TOP3A: variants seen among roughly 807,000 people sequenced by gnomAD.
TOP3A encodes DNA topoisomerase III alpha.
A neutral mutation model predicts 111.3 loss-of-function variants in TOP3A; 64 were observed. The observed-to-expected ratio is 0.57, with a 90% CI of 0.47 to 0.71. The LOEUF (loss-of-function observed/expected upper bound fraction) is 0.71, where lower values mean the gene tolerates loss of function less well. TOP3A is among the 30% of genes least tolerant of loss of function. TOP3A has a pLI of 0.00. For synonymous variants in TOP3A, 484 were observed against 485.1 expected (o/e 1.00, Z 0.03); for missense variants, 1,104 against 1,285.0 (o/e 0.86, Z 2.15).
At chr17:18,291,148 T>C in intron 11 of TOP3A, 121 bp from the exon 12 acceptor site, 1 of 994,166 alleles carries the variant, frequency 1.0e-6, no homozygotes, top group South Asian at 1.7e-5. Context: ...CCTCAGGCCC[T>C]GCACTAACAT....
chr17:18,307,055 T>A, intron 3 of TOP3A, 89 bp from the exon 4 acceptor site: 1 of 888,434 alleles, frequency 1.1e-6, no homozygotes, highest in South Asian at 1.5e-5. Flanking sequence ...AATGGGTTCA[T>A]GGTGTATCCC....
Position 18,309,470 on chromosome 17 carries a change from C to T in TOP3A, c.181-529G>A, listed in dbSNP as rs541639110. 4.6e-5 allele frequency among the ~76,000 whole-genome samples: 7 copies of T among 151,996 alleles called. No homozygotes were observed. The East Asian group carries it at 1.4e-3, about 30-fold the overall frequency. ...CCAGCCTGGCCAACATGGTGAAACC[C>T]CATCTCTACTAAAAATACAACAATT... is the stretch of plus-strand genomic sequence containing the variant. On this transcript the variant is annotated intron_variant, in intron 1 of 18. Coordinates refer to ENST00000321105, the MANE Select transcript of TOP3A (RefSeq NM_004618.5).
At chr17:18,280,285 G>A in intron 17 of TOP3A, 2 of 327,636 alleles carry the variant, frequency 6.1e-6, no homozygotes, top group Non-Finnish European at 1.1e-5. Context: ...TCTGGAGAGG[G>A]CAGGGAAAGA....
chr17:18,286,928 C>T (rs1267807653), intron 13 of TOP3A, among the ~76,000 whole-genome samples: 3 of 152,084 alleles, frequency 2.0e-5, no homozygotes, highest in African/African-American at 7.2e-5. Context: ...GGATTACAGG[C>T]GCCTGCCACC....
chr17:18,279,968 T>C (rs1366860241), intron 17 of TOP3A, among the ~76,000 whole-genome samples: 1 of 151,962 alleles, frequency 6.6e-6, no homozygotes, highest in East Asian at 1.9e-4. Context: ...CTGGCCAACA[T>C]GGTGAAACCC....
intron 11 of TOP3A, 54 bp from the exon 12 acceptor site, chr17:18,291,081 C>T: frequency 1.3e-6 from 2 of 1,568,234 alleles, no homozygotes; most frequent in South Asian, 1.2e-5. Context: ...CTCTCAAGGA[C>T]AGGAGCATCA....
rs757055039 is a variant in TOP3A at position 18,308,907 on chromosome 17, T to C, written c.215A>G (p.Glu72Gly). The C allele has an allele frequency of 1.3e-6, 2 of 1,564,628 alleles. No individual in the cohort carries two copies. The highest frequency in any genetic ancestry group is 1.7e-6 in the Non-Finnish European group (2 of 1,151,042). Reference sequence around the variant, plus strand: ...CTGGCCATACAGATGATAATCAAATTCATAGATCTTGTTGAATTTTGAAAG... The same window carrying C: ...CTGGCCATACAGATGATAATCAAATCCATAGATCTTGTTGAATTTTGAAAG... ...EGLSKFNKIYEFDYHLYGQNV... is the reference protein window; with the variant it reads ...EGLSKFNKIYGFDYHLYGQNV... The change falls in exon 2 of 19, where the codon GAA becomes GGA. Residue 72 changes from glutamate (E) to glycine (G), a missense_variant. By Grantham distance (98) the Glu-to-Gly change is moderately conservative. Transcript: ENST00000321105.
intron 5 of TOP3A, among the ~76,000 whole-genome samples, chr17:18,304,571 T>C (rs76447087): frequency 6.7e-6 from 1 of 149,140 alleles, no homozygotes; most frequent in Non-Finnish European, 1.5e-5. Flanking sequence ...AACAATTATT[T>C]ATTAATAGTC....
rs1980027647 is a variant in TOP3A, at chr17:18,285,406, C to G, written c.1711+1G>C. 6.2e-7 allele frequency: 1 copy of G among 1,613,974 alleles called. No individual in the cohort carries two copies. Among genetic ancestry groups the G allele is most frequent in the Non-Finnish European group, 8.5e-7 (1 of 1,180,008 alleles). Reference sequence around the variant, plus strand: ...CCACTGCAAGCTCTGTCCTCCCTTACCTTCCACAAGTCCCATGCCCAGGTG... The same window carrying G: ...CCACTGCAAGCTCTGTCCTCCCTTAGCTTCCACAAGTCCCATGCCCAGGTG... On this transcript the variant is annotated splice_donor_variant, in intron 14 of 18. Coordinates refer to ENST00000321105, the MANE Select transcript of TOP3A (RefSeq NM_004618.5). LOFTEE classifies it high-confidence loss of function.
chr17:18,288,788 G>A (rs1980285407), intron 13 of TOP3A, among the ~76,000 whole-genome samples: 1 of 152,158 alleles, frequency 6.6e-6, no homozygotes, highest in African/African-American at 2.4e-5. Context: ...TTTCTTCCCT[G>A]CCTACTCCCT....
At position 18,308,414 on chromosome 17, in the gene TOP3A, A is replaced by G. The variant is rs752749572; in HGVS notation, c.251T>C (p.Met84Thr). The G allele has an allele frequency of 1.2e-6, 2 of 1,600,052 alleles. No homozygotes were observed. The highest frequency in any genetic ancestry group is 2.3e-5 in the South Asian group (2 of 87,958). The stretch of plus-strand genomic sequence containing the variant: ...ATGTCCAGAAACTGAAGTCATTACC[A>G]TGGTAACATTCTGAATGATGACAAA... ...DYHLYGQNVTMVMTSVSGHLL... is the reference protein window; with the variant it reads ...DYHLYGQNVTTVMTSVSGHLL... Residue 84 changes from methionine (M) to threonine (T), a missense_variant, in exon 3 of 19, where the codon ATG becomes ACG. Transcript: ENST00000321105.
At chr17:18,276,492 C>T (rs1172289325) in intron 18 of TOP3A, among the ~76,000 whole-genome samples, 1 of 152,228 alleles carries the variant, frequency 6.6e-6, no homozygotes, top group African/African-American at 2.4e-5. Context: ...TGGTTTCTTT[C>T]TGTGCATGCC....
chr17:18,308,161 G>A (rs1040762714), intron 3 of TOP3A, among the ~76,000 whole-genome samples, 190 bp downstream of exon 3: 7 of 139,100 alleles, frequency 5.0e-5, no homozygotes, highest in Non-Finnish European at 9.1e-5. Context: ...GCTGTGAGCC[G>A]AGATCACACC....
intron 13 of TOP3A, among the ~76,000 whole-genome samples, chr17:18,286,691 G>A (rs934975915): frequency 1.3e-5 from 2 of 152,152 alleles, no homozygotes; most frequent in African/African-American, 4.8e-5. Flanking sequence ...AAGTTTGGTG[G>A]TTCCTAAAAA....
At chr17:18,294,675 A>T in intron 10 of TOP3A, 28 bp downstream of exon 10, 1 of 1,544,782 alleles carries the variant, frequency 6.5e-7, no homozygotes. Context: ...GACGGTTCAA[A>T]TTCTACTCCC....
At position 18,302,206 on chromosome 17, in the gene TOP3A, C is replaced by T. The variant is rs192688373; in HGVS notation, c.814+58G>A. 3.4e-5 allele frequency: 52 copies of T among 1,536,352 alleles called. No individual in the cohort carries two copies. In the African/African-American group the frequency reaches 7.1e-4, roughly 21 times the overall value. On this transcript the variant is annotated intron_variant, in intron 7 of 18. Coordinates refer to ENST00000321105, the MANE Select transcript of TOP3A (RefSeq NM_004618.5). Reference sequence around the variant, plus strand: ...ATTAGTGCTATTAATGCTCACAGTCCCCCTCCTTAACCTTGAGCCCATAGG... The same window carrying T: ...ATTAGTGCTATTAATGCTCACAGTCTCCCTCCTTAACCTTGAGCCCATAGG...
At chr17:18,277,099 A>G (rs1979420206) in intron 18 of TOP3A, among the ~76,000 whole-genome samples, 1 of 146,918 alleles carries the variant, frequency 6.8e-6, no homozygotes, top group Non-Finnish European at 1.5e-5. Context: ...CAGGAGAATC[A>G]TTTGAACCTG....
chr17:18,277,409 G>A (rs944389715), intron 18 of TOP3A, among the ~76,000 whole-genome samples: 1 of 152,232 alleles, frequency 6.6e-6, no homozygotes, highest in Non-Finnish European at 1.5e-5. Flanking sequence ...GAGGATGGAA[G>A]ATGCACAGGA....
intron 4 of TOP3A, 110 bp from the exon 5 acceptor site, chr17:18,305,330 G>A (rs575973408): frequency 2.3e-6 from 2 of 869,644 alleles, no homozygotes; most frequent in Admixed American, 4.2e-5. Context: ...CTTGGAGTGT[G>A]ACAACTTGGC....
Sources: gnomAD v4.1 joint callset for allele counts (sites outside exome capture counted in the v4.1 genomes callset) on GRCh38, gnomAD v4.1.1 for gene constraint, MANE v1.5 for transcripts, NCBI Gene and HGNC (gene_info 2026-07-23, HGNC 2026-07-21) for gene names.